The following LRRC1 variants were observed in gnomAD, a reference collection of about 807,000 sequenced individuals.
LRRC1 encodes the protein leucine rich repeat containing 1.
In LRRC1, 28 loss-of-function variants were observed where a neutral mutation model predicts 69.9. The ratio of observed to expected loss-of-function variants is 0.40; its 90% CI spans 0.30 to 0.55. The LOEUF is 0.55. Among genes scored for constraint, LRRC1 ranks in the 20% least tolerant of loss-of-function variants. The pLI, the probability that LRRC1 is intolerant of heterozygous loss-of-function variation, is 0.47. For missense variants in LRRC1, 498 were observed against 609.0 expected (o/e 0.82, Z 1.92); for synonymous variants, 236 against 240.2 (o/e 0.98, Z 0.16).
At chr6:53,909,619 AAAG>A (rs1768349043) in intron 10 of LRRC1, among the ~76,000 whole-genome samples, 1 of 152,182 alleles carries the variant, frequency 6.6e-6, no homozygotes. Flanking sequence ...GAAAAAAAAA[AAAG>A]AATTCCGTAG....
At chr6:53,839,522 T>A (rs2127415280) in intron 1 of LRRC1, among the ~76,000 whole-genome samples, 1 of 152,262 alleles carries the variant, frequency 6.6e-6, no homozygotes, top group East Asian at 1.9e-4. Context: ...CTTGCCTCCT[T>A]CCCCACTCCG....
Position 53,902,615 on chromosome 6 carries a change from T to C in LRRC1, c.788-14T>C. 1 of 1,454,416 alleles carries C rather than the reference T, an allele frequency of 6.9e-7. No individual in the cohort carries two copies. The highest frequency in any genetic ancestry group is 2.3e-5 in the East Asian group (1 of 43,702). The allele number at this position is 1,454,416 out of a possible 1,614,324, so 90.1% of individuals were successfully genotyped here. On this transcript the variant is annotated splice_polypyrimidine_tract_variant and intron_variant, in intron 8 of 13. Coordinates refer to ENST00000370888, the MANE Select transcript of LRRC1 (RefSeq NM_018214.5). ...CTAATGAATTTGATAATAATAATCA[T>C]AATGCTTTTACAGGAAAACTAAAGA...
chr6:53,905,388 A>G (rs1252222933), intron 10 of LRRC1: 2 of 151,330 alleles, frequency 1.3e-5, no homozygotes, highest in South Asian at 2.1e-4. Flanking sequence ...CTTACTTTCT[A>G]TTGGGTACTG....
chr6:53,852,915 A>G (rs999975954), intron 2 of LRRC1, among the ~76,000 whole-genome samples: 1 of 152,188 alleles, frequency 6.6e-6, no homozygotes, highest in African/African-American at 2.4e-5. Context: ...TAATTTATAA[A>G]CAAGAGAAAT....
At chr6:53,798,634 C>T (rs1014398246) in intron 1 of LRRC1, among the ~76,000 whole-genome samples, 5 of 152,254 alleles carry the variant, frequency 3.3e-5, no homozygotes, top group Non-Finnish European at 5.9e-5. Context: ...CCGCCTTAGC[C>T]TCCCAAAGTG....
chr6:53,873,998 C>G (rs1043077774), intron 2 of LRRC1, among the ~76,000 whole-genome samples: 1 of 152,210 alleles, frequency 6.6e-6, no homozygotes, highest in African/African-American at 2.4e-5. Flanking sequence ...AGTATTCAGG[C>G]TGACCAGCAC....
intron 1 of LRRC1, among the ~76,000 whole-genome samples, chr6:53,798,730 C>T (rs1764376710): frequency 6.6e-6 from 1 of 152,196 alleles, no homozygotes; most frequent in Non-Finnish European, 1.5e-5. Flanking sequence ...ATAGGTCTTG[C>T]TCAATAAACA....
intron 9 of LRRC1, among the ~76,000 whole-genome samples, chr6:53,903,641 G>A (rs1768138556): frequency 6.6e-6 from 1 of 151,788 alleles, no homozygotes; most frequent in Non-Finnish European, 1.5e-5. Flanking sequence ...TAGGTGGAAA[G>A]AGCAGAAGGG....
At chr6:53,896,343 T>TG (rs577708903) in intron 4 of LRRC1, among the ~76,000 whole-genome samples, 155 bp from the exon 5 acceptor site, 66 of 152,240 alleles carry the variant, frequency 4.3e-4, no homozygotes, top group African/African-American at 1.5e-3. Context: ...TTAATGGGTG[T>TG]GGGGGGTGGT....
intron 1 of LRRC1, among the ~76,000 whole-genome samples, chr6:53,800,252 T>C (rs914089784): frequency 3.2e-5 from 3 of 92,548 alleles, no homozygotes; most frequent in Non-Finnish European, 7.8e-5. Flanking sequence ...TTTTTCTTTT[T>C]TTTTTTTTTT....
Position 53,922,759 on chromosome 6 carries a change from A to C in LRRC1, c.1541A>C (p.Asn514Thr). 1 of 1,614,086 alleles carries C rather than the reference A, an allele frequency of 6.2e-7. No individual in the cohort carries two copies. The highest frequency in any genetic ancestry group is 8.5e-7 in the Non-Finnish European group (1 of 1,179,950). ...KGLDSNKNEV[N>T]HAIDRVTTSV ...CTGGACTCAAACAAAAACGAGGTCA[A>C]TCATGCCATTGACCGAGTGACCACT... The change falls in exon 14 of 14, where the codon AAT becomes ACT. Residue 514 changes from asparagine to threonine, a missense_variant. This residue lies in a region of LRRC1 where 162 missense variants were observed against 162.9 expected (regional missense o/e 0.99). Coordinates refer to ENST00000370888, the MANE Select transcript of LRRC1 (RefSeq NM_018214.5).
At chr6:53,853,262 A>G (rs1766197107) in intron 2 of LRRC1, among the ~76,000 whole-genome samples, 1 of 151,348 alleles carries the variant, frequency 6.6e-6, no homozygotes, top group Non-Finnish European at 1.5e-5. Context: ...GTGGTATTAC[A>G]TAAATAACAG....
chr6:53,915,860 C>G (rs368356601), intron 11 of LRRC1, among the ~76,000 whole-genome samples: 3 of 152,126 alleles, frequency 2.0e-5, no homozygotes, highest in African/African-American at 4.8e-5. Context: ...AGTATAGAAA[C>G]TAATCTTTTA....
chr6:53,836,505 C>T (rs552002927), intron 1 of LRRC1, among the ~76,000 whole-genome samples: 3 of 152,146 alleles, frequency 2.0e-5, no homozygotes, highest in South Asian at 2.1e-4. Context: ...TTATAATGGT[C>T]GCTTCTCCCT....
intron 2 of LRRC1, among the ~76,000 whole-genome samples, chr6:53,859,571 C>T (rs896380177): frequency 2.6e-5 from 4 of 152,068 alleles, no homozygotes; most frequent in East Asian, 1.9e-4. Flanking sequence ...CAGATAAGTC[C>T]GTGGAACAAT....
At chr6:53,799,419 C>G (rs1471708532) in intron 1 of LRRC1, among the ~76,000 whole-genome samples, 1 of 152,202 alleles carries the variant, frequency 6.6e-6, no homozygotes, top group Non-Finnish European at 1.5e-5. Flanking sequence ...GTCAGTGAGT[C>G]CTAACATGGG....
intron 12 of LRRC1, among the ~76,000 whole-genome samples, 194 bp downstream of exon 12, chr6:53,919,864 A>G (rs3777661): frequency 0.2 from 30,075 of 152,108 alleles, 3,431 homozygotes; most frequent in East Asian, 0.49. Context: ...GGCCACTCCT[A>G]TCTATTTATC....
At chr6:53,805,196 A>G (rs3000998) in intron 1 of LRRC1, among the ~76,000 whole-genome samples, 100,079 of 151,964 alleles carry the variant, frequency 0.66, 33,310 homozygotes, top group East Asian at 0.94. Flanking sequence ...AAGAGTTGCT[A>G]TGCTATGGGC....
At chr6:53,902,567 A>C in intron 8 of LRRC1, 62 bp from the exon 9 acceptor site, 1 of 1,010,422 alleles carries the variant, frequency 9.9e-7, no homozygotes, top group Non-Finnish European at 1.5e-6. Context: ...AATTCCAAGC[A>C]GTGATTATGA....
Sources: allele counts gnomAD v4.1 joint callset (sites outside exome capture counted in the v4.1 genomes callset), GRCh38; gene constraint gnomAD v4.1.1; regional missense constraint gnomAD v4.1.1; transcripts MANE v1.5; gene names NCBI Gene and HGNC (gene_info 2026-07-23, HGNC 2026-07-21).